The following RNF4 variants were observed in gnomAD, a reference collection of about 807,000 sequenced individuals.
RNF4 encodes E3 ubiquitin-protein ligase RNF4.
Under a neutral mutation model 24.3 loss-of-function variants are expected in RNF4, and 7 were observed. That is an observed-to-expected ratio of 0.29 (90% confidence interval 0.16 to 0.54). RNF4 has a LOEUF of 0.54. Among genes scored for constraint, RNF4 ranks in the 20% least tolerant of loss-of-function variants. The probability of loss-of-function intolerance (pLI) is 0.95; values close to 1 mark genes in which losing one functional copy is unlikely to be tolerated. For synonymous variants in RNF4, 83 were observed against 84.3 expected (o/e 0.98, Z 0.09); for missense variants, 209 against 248.5 (o/e 0.84, Z 1.07).
chr4:2,490,640 C>T (rs1735551915), intron 2 of RNF4, 138 bp downstream of exon 2: 1 of 855,400 alleles, frequency 1.2e-6, no homozygotes, highest in East Asian at 2.7e-5. Flanking sequence ...TGTATAGGAG[C>T]TTTCTGGTGG....
Position 2,513,032 on chromosome 4 carries a change from A to G in RNF4, c.375-51A>G. ...GGGGCCACTCACGTGACAGGGTATA[A>G]TAAAATGTTTGCGTTGACTGAGAAA... On this transcript the variant is annotated intron_variant, in intron 6 of 7. Coordinates refer to ENST00000314289, the MANE Select transcript of RNF4 (RefSeq NM_002938.5). 3 of 1,569,600 alleles carry G rather than the reference A, an allele frequency of 1.9e-6. No individual in the cohort carries two copies. In the South Asian group the frequency reaches 3.3e-5, roughly 17 times the overall value.
chr4:2,473,965 C>A (rs766138047), intron 1 of RNF4, among the ~76,000 whole-genome samples: 1 of 152,124 alleles, frequency 6.6e-6, no homozygotes, highest in Non-Finnish European at 1.5e-5. Flanking sequence ...ATAGTAATCC[C>A]GGCCACTCCA....
intron 4 of RNF4, among the ~76,000 whole-genome samples, chr4:2,511,693 C>T (rs2108779556): frequency 6.6e-6 from 1 of 152,276 alleles, no homozygotes; most frequent in South Asian, 2.1e-4. Context: ...TGGCTGTGTT[C>T]ACGCTCCAGG....
intron 4 of RNF4, among the ~76,000 whole-genome samples, chr4:2,501,001 A>T (rs1356042482): frequency 2.6e-5 from 4 of 152,254 alleles, no homozygotes; most frequent in Non-Finnish European, 1.5e-5. Context: ...TCGCCTATGG[A>T]GTAGGTCTGT....
intron 7 of RNF4, among the ~76,000 whole-genome samples, chr4:2,513,349 C>T (rs538426709): frequency 2.0e-5 from 3 of 152,158 alleles, no homozygotes; most frequent in Non-Finnish European, 4.4e-5. Flanking sequence ...TCCTGTATGC[C>T]CTGAGCTTCC....
intron 1 of RNF4, among the ~76,000 whole-genome samples, chr4:2,474,157 C>G (rs1018273344): frequency 5.3e-5 from 8 of 151,860 alleles, no homozygotes; most frequent in South Asian, 4.1e-4. Flanking sequence ...AGGCGGATCA[C>G]GAGGTCAGGA....
At chr4:2,479,508 T>C (rs980684650) in intron 1 of RNF4, among the ~76,000 whole-genome samples, 23 of 152,088 alleles carry the variant, frequency 1.5e-4, no homozygotes, top group African/African-American at 5.3e-4. Context: ...CTGGTGATGG[T>C]GAATAAGTCT....
intron 4 of RNF4, among the ~76,000 whole-genome samples, chr4:2,509,409 G>A (rs1578525983): frequency 6.6e-6 from 1 of 152,068 alleles, no homozygotes; most frequent in African/African-American, 2.4e-5. Context: ...GTAGAGACAG[G>A]GTTTCACCAT....
At position 2,508,112 on chromosome 4, in the gene RNF4, G is replaced by T. The variant is rs559880612; in HGVS notation, c.205-3844G>T. Among the ~76,000 whole-genome samples the T allele has an allele frequency of 9.2e-5, 14 of 152,312 alleles. 1 individual carries two copies. The South Asian group carries it at 2.9e-3, about 32-fold the overall frequency. On this transcript the variant is annotated intron_variant, in intron 4 of 7. Transcript: ENST00000314289. Reference sequence around the variant, plus strand: ...TCATCCCGCCTTGGCCTCCCAGGGTGCTGGGATTGCAGATATGGGACACCA... The same window carrying T: ...TCATCCCGCCTTGGCCTCCCAGGGTTCTGGGATTGCAGATATGGGACACCA...
chr4:2,490,580 A>T, intron 2 of RNF4, 78 bp downstream of exon 2: 1 of 1,458,536 alleles, frequency 6.9e-7, no homozygotes, highest in South Asian at 1.2e-5. Context: ...CATTAGTGAA[A>T]GTGAGTTCCA....
Position 2,513,085 on chromosome 4 carries a change from C to T in RNF4, c.377C>T (p.Pro126Leu). The T allele has an allele frequency of 1.2e-6, 2 of 1,613,744 alleles. No homozygotes were observed. Among genetic ancestry groups the T allele is most frequent in the South Asian group, 1.1e-5 (1 of 91,088 alleles). ...ARDEGATGLR[P>L]SGTVSCPICM... is the part of the protein sequence containing the mutation. Reference sequence around the variant, plus strand: ...AACGTGAAGCACTGTGCTCTTAGGCCCTCAGGTACTGTCAGTTGTCCCATC... The same window carrying T: ...AACGTGAAGCACTGTGCTCTTAGGCTCTCAGGTACTGTCAGTTGTCCCATC... Residue 126 changes from proline (P) to leucine (L), a missense_variant and splice_region_variant, in exon 7 of 8, where the codon CCC becomes CTC. By Grantham distance (98) the Pro-to-Leu change is moderately conservative (BLOSUM62 -3). Coordinates refer to ENST00000314289, the MANE Select transcript of RNF4 (RefSeq NM_002938.5).
At position 2,512,425 on chromosome 4, in the gene RNF4, C is replaced by T; in HGVS notation, c.215-13C>T. On this transcript the variant is annotated splice_polypyrimidine_tract_variant and intron_variant, in intron 5 of 7. Transcript: ENST00000314289. The surrounding 1 kb of genome is among the most constrained non-coding windows in gnomAD (Gnocchi z 4.1). Reference sequence around the variant, plus strand: ...GAGAGCCTCCAACCTGAAAATGTGACCTCTTACCTTAGAAAGAAGAAGACC... The same window carrying T: ...GAGAGCCTCCAACCTGAAAATGTGATCTCTTACCTTAGAAAGAAGAAGACC... The T allele has an allele frequency of 1.2e-6, 2 of 1,601,020 alleles. No individual in the cohort carries two copies. Among genetic ancestry groups the T allele is most frequent in the Non-Finnish European group, 1.7e-6 (2 of 1,173,964 alleles).
chr4:2,486,339 A>G (rs1735407087), intron 1 of RNF4, among the ~76,000 whole-genome samples: 1 of 152,052 alleles, frequency 6.6e-6, no homozygotes, highest in Non-Finnish European at 1.5e-5. Context: ...CTTTCCCATG[A>G]CCGCTAAGGT....
chr4:2,494,254 A>G (rs1290039080), intron 2 of RNF4, among the ~76,000 whole-genome samples: 2 of 152,188 alleles, frequency 1.3e-5, no homozygotes, highest in Non-Finnish European at 2.9e-5. Flanking sequence ...AATACATTGA[A>G]TAAAGGAGAC....
At chr4:2,504,877 C>G (rs1736029208) in intron 4 of RNF4, among the ~76,000 whole-genome samples, 1 of 151,828 alleles carries the variant, frequency 6.6e-6, no homozygotes, top group African/African-American at 2.4e-5. Context: ...GGACTACAGG[C>G]ACGCACCACC....
At chr4:2,499,717 A>C (rs1475455797) in intron 3 of RNF4, among the ~76,000 whole-genome samples, 1 of 152,196 alleles carries the variant, frequency 6.6e-6, no homozygotes, top group Non-Finnish European at 1.5e-5. Context: ...GCACATGTAG[A>C]CATCACAGTA....
intron 1 of RNF4, among the ~76,000 whole-genome samples, chr4:2,486,614 G>C (rs139858187): frequency 2.8e-4 from 42 of 152,298 alleles, no homozygotes; most frequent in African/African-American, 9.4e-4. Flanking sequence ...AGTAGTAATG[G>C]TCTAGCTGGG....
At chr4:2,472,297 C>T (rs1333300879) in intron 1 of RNF4, among the ~76,000 whole-genome samples, 1 of 152,164 alleles carries the variant, frequency 6.6e-6, no homozygotes, top group African/African-American at 2.4e-5. Flanking sequence ...CTATTGAGAT[C>T]TACAGCTCAG....
intron 1 of RNF4, among the ~76,000 whole-genome samples, chr4:2,481,883 AT>A (rs36024629): frequency 3.3e-5 from 5 of 151,784 alleles, no homozygotes; most frequent in African/African-American, 1.2e-4. Context: ...AAGTTTTTGT[AT>A]TTTTTTGTAG....
Sources: allele counts gnomAD v4.1 joint callset (sites outside exome capture counted in the v4.1 genomes callset), GRCh38; gene constraint gnomAD v4.1.1; non-coding constraint Gnocchi (gnomAD v3.1); transcripts MANE v1.5; gene names NCBI Gene and HGNC (gene_info 2026-07-23, HGNC 2026-07-21).